The following EBF1 variants were observed in gnomAD, a reference collection of about 807,000 sequenced individuals.
EBF1 encodes transcription factor COE1.
A neutral mutation model predicts 68.4 loss-of-function variants in EBF1; 10 were observed. The observed-to-expected ratio is 0.15, with a 90% CI of 0.09 to 0.25. The LOEUF is 0.25. EBF1 is among the 10% of genes least tolerant of loss of function. The pLI is 1.00. For missense variants in EBF1, 509 were observed against 794.4 expected (o/e 0.64, Z 4.32); for synonymous variants, 298 against 299.8 (o/e 0.99, Z 0.06).
chr5:158,714,285 A>T, intron 11 of EBF1, 103 bp from the exon 12 acceptor site: 1 of 1,359,646 alleles, frequency 7.4e-7, no homozygotes, highest in Non-Finnish European at 1.1e-6. Flanking sequence ...TTGCCAAGGC[A>T]CTGCTATAAA....
At chr5:158,948,630 A>T (rs1263901822) in intron 6 of EBF1, among the ~76,000 whole-genome samples, 2 of 152,180 alleles carry the variant, frequency 1.3e-5, no homozygotes, top group Non-Finnish European at 2.9e-5. Flanking sequence ...ACTGACACAA[A>T]GGAAGCACAA....
At position 158,961,641 on chromosome 5, in the gene EBF1, G is replaced by T. The variant is rs144800097; in HGVS notation, c.554+111755C>A. 1.1e-3 allele frequency among the ~76,000 whole-genome samples: 167 copies of T among 152,166 alleles called. 1 individual carries two copies. The highest frequency in any genetic ancestry group is 3.9e-3 in the African/African-American group (162 of 41,510). ...GATTTTTCCAAATTTTTGGATAAAAGATAATTTTTTCTTTCCAGTCTGTAT... is the reference window on the plus strand; with the variant it reads ...GATTTTTCCAAATTTTTGGATAAAATATAATTTTTTCTTTCCAGTCTGTAT... On this transcript the variant is annotated intron_variant, in intron 6 of 15. Transcript: ENST00000313708.
In EBF1 at chr5:159,018,327, T is replaced by C. The variant is rs926600716; in HGVS notation, c.554+55069A>G. Among the ~76,000 whole-genome samples the C allele has an allele frequency of 2.0e-5, 3 of 152,206 alleles. No homozygotes were observed. In the East Asian group the frequency reaches 5.8e-4, roughly 29 times the overall value. ...GGAGTTAGTGTCTCAAGTCAGGGTA[T>C]AAGATAAAACTTCAGAAAGTCTAAA... On this transcript the variant is annotated intron_variant, in intron 6 of 15. Coordinates refer to ENST00000313708, the MANE Select transcript of EBF1 (RefSeq NM_024007.5).
chr5:158,902,427 T>A (rs887971751), intron 6 of EBF1, among the ~76,000 whole-genome samples: 2 of 151,050 alleles, frequency 1.3e-5, no homozygotes, highest in Admixed American at 6.6e-5. Flanking sequence ...TTCTTTTTTT[T>A]TTTTTTCTTC....
chr5:158,767,206 A>G (rs574606428), intron 10 of EBF1, among the ~76,000 whole-genome samples: 1 of 152,292 alleles, frequency 6.6e-6, no homozygotes, highest in East Asian at 1.9e-4. Flanking sequence ...AAGTACTCAA[A>G]AACATTAACA....
intron 6 of EBF1, among the ~76,000 whole-genome samples, chr5:158,891,139 T>G (rs7724989): frequency 0.33 from 49,754 of 151,878 alleles, 8,779 homozygotes; most frequent in South Asian, 0.58. Context: ...TTGTGTGTGT[T>G]TGTTTGTTTT....
At chr5:159,091,351 A>G (rs923259923) in intron 4 of EBF1, among the ~76,000 whole-genome samples, 1 of 152,170 alleles carries the variant, frequency 6.6e-6, no homozygotes, top group Non-Finnish European at 1.5e-5. Flanking sequence ...ATGAGTTTAC[A>G]TTTTCCCAAA....
At chr5:158,936,480 CTTAGCACA>C (rs1812043875) in intron 6 of EBF1, among the ~76,000 whole-genome samples, 1 of 152,180 alleles carries the variant, frequency 6.6e-6, no homozygotes, top group Non-Finnish European at 1.5e-5. Context: ...ATACAAAGTG[CTTAGCACA>C]TTGCCTGGCA....
chr5:158,949,569 T>C (rs1815549613), intron 6 of EBF1, among the ~76,000 whole-genome samples: 1 of 152,200 alleles, frequency 6.6e-6, no homozygotes, highest in African/African-American at 2.4e-5. Flanking sequence ...TCAGGCTTTT[T>C]CCAAAAGAGG....
chr5:159,026,062 G>A (rs1393200965), intron 6 of EBF1, among the ~76,000 whole-genome samples: 1 of 152,200 alleles, frequency 6.6e-6, no homozygotes, highest in African/African-American at 2.4e-5. Flanking sequence ...AGATTTCCTA[G>A]CTCCGTTTTT....
Position 158,699,016 on chromosome 5 carries a change from C to A in EBF1, c.*95G>T, listed in dbSNP as rs765703528. The A allele has an allele frequency of 8.5e-7, 1 of 1,176,180 alleles. No homozygotes were observed. Among genetic ancestry groups the A allele is most frequent in the South Asian group, 1.7e-5 (1 of 57,880 alleles). 72.9% of individuals were successfully genotyped at this position (1,176,180 alleles called of 1,614,324 possible). A position where few individuals can be genotyped will look rare whatever the true frequency, so the allele number is the denominator to read the frequency against. On this transcript the variant is annotated 3_prime_UTR_variant, in exon 16 of 16. Coordinates refer to ENST00000313708, the MANE Select transcript of EBF1 (RefSeq NM_024007.5). Reference sequence around the variant, plus strand: ...GTTATTGTGATTCCTCTTAAAAAGGCCTGAGTTAAAAGTTCCACTCTGGGA... The same window carrying A: ...GTTATTGTGATTCCTCTTAAAAAGGACTGAGTTAAAAGTTCCACTCTGGGA...
At chr5:159,077,567 A>T (rs1778996392) in intron 5 of EBF1, among the ~76,000 whole-genome samples, 1 of 152,146 alleles carries the variant, frequency 6.6e-6, no homozygotes, top group South Asian at 2.1e-4. Context: ...CCTGAATATA[A>T]GCCCCACAAA....
chr5:158,865,631 C>G (rs552345646), intron 6 of EBF1, among the ~76,000 whole-genome samples: 1 of 152,048 alleles, frequency 6.6e-6, no homozygotes, highest in Admixed American at 6.6e-5. Flanking sequence ...TTTGTTGTGC[C>G]GTGTTGTGTT....
chr5:158,956,590 C>G (rs1300753330), intron 6 of EBF1, among the ~76,000 whole-genome samples: 1 of 151,934 alleles, frequency 6.6e-6, no homozygotes, highest in African/African-American at 2.4e-5. Flanking sequence ...TATCTTCAAC[C>G]ATCCAAACAA....
chr5:159,029,517 G>T (rs531041146), intron 6 of EBF1, among the ~76,000 whole-genome samples: 1 of 152,186 alleles, frequency 6.6e-6, no homozygotes, highest in Admixed American at 6.5e-5. Flanking sequence ...GGAAGAATGC[G>T]TGGGGCTATA....
At chr5:158,778,463 G>A (rs1775756897) in intron 9 of EBF1, among the ~76,000 whole-genome samples, 1 of 152,042 alleles carries the variant, frequency 6.6e-6, no homozygotes, top group South Asian at 2.1e-4. Context: ...AATATTTGTG[G>A]TATTGAGTCC....
At chr5:159,046,901 A>G (rs1286451830) in intron 6 of EBF1, among the ~76,000 whole-genome samples, 1 of 152,238 alleles carries the variant, frequency 6.6e-6, no homozygotes, top group African/African-American at 2.4e-5. Context: ...GAGCTGGGAA[A>G]AGATTCACTC....
chr5:158,960,864 G>A (rs752315246), intron 6 of EBF1, among the ~76,000 whole-genome samples: 11 of 152,148 alleles, frequency 7.2e-5, no homozygotes, highest in Admixed American at 3.9e-4. Flanking sequence ...GAGGCCTCAG[G>A]CCAATAGCCC....
At chr5:159,015,134 A>G (rs1027188890) in intron 6 of EBF1, among the ~76,000 whole-genome samples, 1 of 152,220 alleles carries the variant, frequency 6.6e-6, no homozygotes, top group African/African-American at 2.4e-5. Context: ...TGAGCAAATG[A>G]TTTAATCTCT....
Sources: gnomAD v4.1 joint callset for allele counts (sites outside exome capture counted in the v4.1 genomes callset) on GRCh38, gnomAD v4.1.1 for gene constraint, MANE v1.5 for transcripts, NCBI Gene and HGNC (gene_info 2026-07-23, HGNC 2026-07-21) for gene names.